PCDH15: variants seen among roughly 807,000 people sequenced by gnomAD.
The protein encoded by PCDH15 is protocadherin-15.
Under a neutral mutation model 178.5 loss-of-function variants are expected in PCDH15, and 129 were observed. The observed-to-expected ratio is 0.72, with a 90% CI of 0.63 to 0.84. The LOEUF (loss-of-function observed/expected upper bound fraction) is 0.84. Among genes scored for constraint, PCDH15 ranks in the 40% least tolerant of loss-of-function variants. PCDH15 has a pLI of 0.00. For synonymous variants in PCDH15, 800 were observed against 732.0 expected, an observed-to-expected ratio of 1.09 and a Z score of -1.50; for missense variants, 2,230 against 2,099.9, an observed-to-expected ratio of 1.06 and a Z score of -1.21.
chr10:54,847,848 A>G (rs1263194481), intron 3 of PCDH15, among the ~76,000 whole-genome samples: 1 of 152,176 alleles, frequency 6.6e-6, no homozygotes, highest in Non-Finnish European at 1.5e-5. Flanking sequence ...AGAATTTTCA[A>G]GAACATTGCT....
chr10:53,857,484 T>G (rs1033632657), intron 27 of PCDH15, among the ~76,000 whole-genome samples: 8 of 152,146 alleles, frequency 5.3e-5, no homozygotes, highest in African/African-American at 1.9e-4. Flanking sequence ...GTTGTTTACC[T>G]AGAAATTAAG....
chr10:54,873,057 A>C (rs945586915), intron 3 of PCDH15, among the ~76,000 whole-genome samples: 13 of 152,140 alleles, frequency 8.5e-5, no homozygotes, highest in African/African-American at 3.1e-4. Flanking sequence ...CGAATTCCAT[A>C]AGTTACACCA....
intron 2 of PCDH15, among the ~76,000 whole-genome samples, chr10:54,982,952 A>G (rs944006215): frequency 6.6e-6 from 1 of 152,134 alleles, no homozygotes; most frequent in African/African-American, 2.4e-5. Flanking sequence ...AGACTCCAAC[A>G]GCTTGAGTAA....
intron 2 of PCDH15, among the ~76,000 whole-genome samples, chr10:55,387,778 T>C (rs528734674): frequency 1.3e-5 from 2 of 152,202 alleles, no homozygotes; most frequent in Admixed American, 6.5e-5. Flanking sequence ...TCATTTCACA[T>C]CAGCCTGCCA....
At chr10:55,560,649 GA>G (rs1842179193) in intron 2 of PCDH15, among the ~76,000 whole-genome samples, 1 of 151,830 alleles carries the variant, frequency 6.6e-6, no homozygotes. Context: ...ATTCAGTAAT[GA>G]AAAAGAGTAA....
At chr10:53,818,340 T>C (rs1264073415) in intron 33 of PCDH15, 5 of 188,104 alleles carry the variant, frequency 2.7e-5, no homozygotes, top group African/African-American at 4.6e-5. Context: ...AAAAATATTA[T>C]ACATGATCTC....
intron 14 of PCDH15, among the ~76,000 whole-genome samples, chr10:54,149,030 C>T (rs1040926962): frequency 1.3e-5 from 2 of 151,830 alleles, no homozygotes; most frequent in Admixed American, 1.3e-4. Flanking sequence ...TCAGTTTATG[C>T]CCCAGTAACA....
intron 2 of PCDH15, among the ~76,000 whole-genome samples, chr10:55,404,084 A>C (rs576340327): frequency 4.3e-4 from 65 of 152,186 alleles, no homozygotes; most frequent in African/African-American, 1.6e-3. Context: ...ATGTAAATAT[A>C]GACAAAATAT....
At chr10:53,912,512 T>C (rs1344666788) in intron 25 of PCDH15, among the ~76,000 whole-genome samples, 1 of 152,212 alleles carries the variant, frequency 6.6e-6, no homozygotes, top group Non-Finnish European at 1.5e-5. Context: ...TTGTCCCTGT[T>C]TGCAGATGAC....
intron 2 of PCDH15, among the ~76,000 whole-genome samples, chr10:54,601,469 C>T (rs1049314371): frequency 2.0e-5 from 3 of 151,838 alleles, no homozygotes; most frequent in East Asian, 1.9e-4. Flanking sequence ...ATTAGAGACA[C>T]GCAAATAAAA....
intron 3 of PCDH15, among the ~76,000 whole-genome samples, chr10:54,834,052 A>C (rs1366284338): frequency 6.6e-6 from 1 of 152,212 alleles, no homozygotes; most frequent in East Asian, 1.9e-4. Context: ...AAGTTACCAC[A>C]ACTGCTTAGT....
rs573873442 is a variant in PCDH15 at position 54,062,243 on chromosome 10, A to C, written c.2220+4514T>G. The stretch of plus-strand genomic sequence containing the variant: ...ATTCTGTCTCAAAAAAAAAAAAAAA[A>C]AAAAAAAAACAAAAAACAACTAAAT... On this transcript the variant is annotated intron_variant, in intron 18 of 37. Transcript: ENST00000644397. Among the ~76,000 whole-genome samples, 1,173 of 143,740 alleles carry C rather than the reference A, an allele frequency of 8.2e-3. 52 individuals carry two copies. Among genetic ancestry groups the C allele is most frequent in the African/African-American group, 0.027 (1,049 of 39,398 alleles). The allele number at this position is 143,740 out of a possible 152,430, so 94.3% of individuals were successfully genotyped here.
At chr10:54,565,636 A>G (rs2088911101) in intron 2 of PCDH15, among the ~76,000 whole-genome samples, 1 of 152,206 alleles carries the variant, frequency 6.6e-6, no homozygotes, top group Admixed American at 6.5e-5. Flanking sequence ...AATTATGAAA[A>G]TATTTTATTC....
At position 54,369,191 on chromosome 10, in the gene PCDH15, T is replaced by G; in HGVS notation, c.403A>C (p.Ile135Leu). 5.6e-6 allele frequency: 9 copies of G among 1,613,146 alleles called. No individual in the cohort carries two copies. Among genetic ancestry groups the G allele is most frequent in the Non-Finnish European group, 6.8e-6 (8 of 1,179,432 alleles). The stretch of plus-strand genomic sequence containing the variant: ...TTGTCATTCCTGTCTCTCACCACTA[T>G]TCGCACTTCATGGTAGATAATAGTG... ...VGTIIYHEVR[I>L]VVRDRNDNSP... is the part of the protein sequence containing the mutation. Residue 135 changes from isoleucine (I) to leucine (L), a missense_variant, in exon 5 of 38, where the codon ATA (isoleucine) becomes CTA (leucine). Transcript: ENST00000644397.
In PCDH15 at chr10:54,771,238, C is replaced by T. The variant is rs980473391; in HGVS notation, c.-29+29687G>A. Among the ~76,000 whole-genome samples the T allele has an allele frequency of 4.6e-5, 7 of 152,010 alleles. No individual in the cohort carries two copies. The East Asian group carries it at 7.7e-4, about 17-fold the overall frequency. On this transcript the variant is annotated intron_variant, in intron 1 of 37. Coordinates refer to ENST00000644397, the MANE Select transcript of PCDH15 (RefSeq NM_001384140.1). ...GAAGTTAAATTTCTATCTGTTTGTG[C>T]TTTGAGAGATGTTGGCAAAGAGAAA... is the stretch of plus-strand genomic sequence containing the variant.
chr10:54,952,897 ATTCT>A (rs141574954), intron 2 of PCDH15, among the ~76,000 whole-genome samples: 3,622 of 151,670 alleles, frequency 0.024, 65 homozygotes, highest in Non-Finnish European at 0.037. Flanking sequence ...TTTTTTGTTG[ATTCT>A]TTCACATTTT....
At chr10:55,490,127 A>C (rs1840380141) in intron 2 of PCDH15, among the ~76,000 whole-genome samples, 2 of 151,744 alleles carry the variant, frequency 1.3e-5, no homozygotes, top group South Asian at 4.1e-4. Flanking sequence ...TAAAAAGGGA[A>C]ATAAACAGAA....
intron 3 of PCDH15, among the ~76,000 whole-genome samples, chr10:54,396,044 C>G (rs986085662): frequency 6.6e-6 from 1 of 152,036 alleles, no homozygotes; most frequent in African/African-American, 2.4e-5. Context: ...AAGCTCTCTG[C>G]CTCTATTTAC....
chr10:55,139,298 TTAAAA>T (rs1368138067), intron 2 of PCDH15, among the ~76,000 whole-genome samples: 2 of 152,116 alleles, frequency 1.3e-5, no homozygotes, highest in African/African-American at 2.4e-5. Flanking sequence ...TTGATTAATT[TTAAAA>T]TAATTTTTCA....
Sources: gnomAD v4.1 joint callset for allele counts (sites outside exome capture counted in the v4.1 genomes callset) on GRCh38, gnomAD v4.1.1 for gene constraint, MANE v1.5 for transcripts, NCBI Gene and HGNC (gene_info 2026-07-23, HGNC 2026-07-21) for gene names.